Variants in MBD5 observed in about 807,000 individuals in gnomAD.
MBD5 encodes the protein methyl-CpG-binding domain protein 5.
In MBD5, 13 loss-of-function variants were observed where a neutral mutation model predicts 117.3. That is an observed-to-expected ratio of 0.11 (90% CI 0.07 to 0.18). The LOEUF is 0.18. Ranked by LOEUF, MBD5 falls within the 10% of genes least tolerant of loss-of-function variation. The probability of loss-of-function intolerance (pLI) is 1.00; values close to 1 mark genes in which losing one functional copy is unlikely to be tolerated. For missense variants in MBD5, 1,879 were observed against 2,093.8 expected (o/e 0.90, Z 2.00); for synonymous variants, 727 against 766.4 (o/e 0.95, Z 0.85).
chr2:148,023,885 T>C (rs1693832328), intron 1 of MBD5, among the ~76,000 whole-genome samples: 1 of 152,160 alleles, frequency 6.6e-6, no homozygotes, highest in Non-Finnish European at 1.5e-5. Flanking sequence ...AGAAAACCTT[T>C]TTAAGTATTA....
chr2:148,051,912 C>G (rs1166091183), intron 1 of MBD5, among the ~76,000 whole-genome samples: 2 of 151,670 alleles, frequency 1.3e-5, no homozygotes, highest in Non-Finnish European at 2.9e-5. Context: ...TTTTAAAGAG[C>G]TTGATAAGGA....
chr2:148,446,014 T>G (rs1259750970), intron 4 of MBD5, among the ~76,000 whole-genome samples: 6 of 151,196 alleles, frequency 4.0e-5, no homozygotes, highest in Non-Finnish European at 8.8e-5. Flanking sequence ...TTGAGTTCAT[T>G]GTAGATTCTG....
chr2:148,150,119 A>C (rs1180420837), intron 1 of MBD5, among the ~76,000 whole-genome samples: 4 of 121,956 alleles, frequency 3.3e-5, no homozygotes, highest in Non-Finnish European at 6.9e-5. Flanking sequence ...ATTTTTGTAT[A>C]AGGTGTAAGG....
intron 2 of MBD5, among the ~76,000 whole-genome samples, chr2:148,184,893 C>T (rs1397429630): frequency 6.6e-6 from 1 of 152,152 alleles, no homozygotes; most frequent in South Asian, 2.1e-4. Flanking sequence ...CTCTGCTTCA[C>T]CATCTCTCCG....
chr2:148,166,268 G>A (rs116755293), intron 1 of MBD5, among the ~76,000 whole-genome samples: 1,871 of 152,074 alleles, frequency 0.012, 44 homozygotes, highest in African/African-American at 0.043. Context: ...TTTTGCTTAT[G>A]AGGGTTTTAT....
intron 11 of MBD5, among the ~76,000 whole-genome samples, chr2:148,496,433 A>G (rs907607874): frequency 1.2e-4 from 18 of 152,302 alleles, no homozygotes; most frequent in African/African-American, 4.1e-4. Flanking sequence ...AATATTGTGA[A>G]CTTTTTTCCT....
chr2:148,484,817 C>CTATAA (rs911901388), intron 9 of MBD5, among the ~76,000 whole-genome samples: 8 of 152,092 alleles, frequency 5.3e-5, no homozygotes, highest in Non-Finnish European at 1.5e-5. Flanking sequence ...ATATAGGTAA[C>CTATAA]TATAATATAA....
chr2:148,240,613 T>G (rs573185581), intron 3 of MBD5, among the ~76,000 whole-genome samples: 1 of 152,312 alleles, frequency 6.6e-6, no homozygotes, highest in South Asian at 2.1e-4. Flanking sequence ...TAGTGAAGAC[T>G]CTTTCTAATC....
intron 2 of MBD5, among the ~76,000 whole-genome samples, chr2:148,223,601 A>G (rs1398923911): frequency 6.6e-6 from 1 of 152,030 alleles, no homozygotes. Context: ...TATCATTTGT[A>G]ATGTCTCCAT....
chr2:148,375,218 T>G (rs1235685686), intron 4 of MBD5, among the ~76,000 whole-genome samples: 1 of 152,230 alleles, frequency 6.6e-6, no homozygotes. Flanking sequence ...GAAAGAAATT[T>G]TTTTACATTT....
chr2:148,415,855 CTCT>C (rs996383506), intron 4 of MBD5, among the ~76,000 whole-genome samples: 6 of 152,268 alleles, frequency 3.9e-5, no homozygotes, highest in Admixed American at 3.9e-4. Flanking sequence ...CATCTTTCAG[CTCT>C]TCTATCATTT....
chr2:148,428,022 G>T (rs924990952), intron 4 of MBD5, among the ~76,000 whole-genome samples: 1 of 152,092 alleles, frequency 6.6e-6, no homozygotes, highest in Non-Finnish European at 1.5e-5. Flanking sequence ...AAGAAATAAA[G>T]GGTATTTGAA....
At chr2:148,133,370 C>T (rs1697095658) in intron 1 of MBD5, among the ~76,000 whole-genome samples, 2 of 152,178 alleles carry the variant, frequency 1.3e-5, no homozygotes, top group Non-Finnish European at 2.9e-5. Context: ...AAGTTATTCT[C>T]AGTAGAATAT....
chr2:148,289,833 T>C (rs1479239859), intron 3 of MBD5, among the ~76,000 whole-genome samples: 1 of 148,786 alleles, frequency 6.7e-6, no homozygotes, highest in Non-Finnish European at 1.5e-5. Flanking sequence ...AGAAAAAAAG[T>C]CTGAGAAAGT....
intron 4 of MBD5, among the ~76,000 whole-genome samples, chr2:148,360,365 C>T (rs1703498128): frequency 6.6e-6 from 1 of 151,968 alleles, no homozygotes; most frequent in Admixed American, 6.6e-5. Context: ...CTGCTTCTGA[C>T]CATTCAGTGT....
chr2:148,304,892 C>T (rs1401626780), intron 3 of MBD5, among the ~76,000 whole-genome samples: 3 of 151,870 alleles, frequency 2.0e-5, no homozygotes, highest in Admixed American at 6.6e-5. Flanking sequence ...GGTGAAACCC[C>T]GTCTCTACTA....
At chr2:148,280,508 T>G (rs1574233776) in intron 3 of MBD5, among the ~76,000 whole-genome samples, 1 of 152,316 alleles carries the variant, frequency 6.6e-6, no homozygotes, top group Middle Eastern at 3.4e-3. Context: ...CACAGCTCAC[T>G]GCAGCCTTGA....
chr2:148,456,952 G>T (rs777006852), intron 4 of MBD5, among the ~76,000 whole-genome samples: 5 of 152,074 alleles, frequency 3.3e-5, no homozygotes, highest in Admixed American at 6.6e-5. Context: ...CCAAAAAAAG[G>T]TTTCGGGCCA....
intron 1 of MBD5, among the ~76,000 whole-genome samples, chr2:148,056,761 C>T (rs1250753835): frequency 6.6e-6 from 1 of 151,746 alleles, no homozygotes; most frequent in African/African-American, 2.4e-5. Flanking sequence ...AAAATGAGTC[C>T]ATACGTTTTT....
Sources: gnomAD v4.1 joint callset for allele counts (sites outside exome capture counted in the v4.1 genomes callset) on GRCh38, gnomAD v4.1.1 for gene constraint, MANE v1.5 for transcripts, NCBI Gene and HGNC (gene_info 2026-07-23, HGNC 2026-07-21) for gene names.